The following RP1 variants were observed in gnomAD, a reference collection of about 807,000 sequenced individuals.
RP1 encodes the protein oxygen-regulated protein 1.
In RP1, 16 loss-of-function variants were observed where a neutral mutation model predicts 14.8. The observed-to-expected ratio is 1.08, with a 90% confidence interval of 0.73 to 1.65. The LOEUF (loss-of-function observed/expected upper bound fraction) is 1.65. Ranked by LOEUF, RP1 falls within the 40% of genes most tolerant of loss-of-function variation. The pLI is 0.00. For synonymous variants in RP1, 876 were observed against 883.6 expected, an observed-to-expected ratio of 0.99 and a Z score of 0.15; for missense variants, 2,631 against 2,535.0, an observed-to-expected ratio of 1.04 and a Z score of -0.81.
chr8:54,769,577 T>C (rs542311379), intron 22 of RP1, among the ~76,000 whole-genome samples: 94 of 152,358 alleles, frequency 6.2e-4, no homozygotes, highest in African/African-American at 2.2e-3. Flanking sequence ...GAATGTGTAA[T>C]AGGATGGATT....
chr8:54,633,077 T>C (rs560245280), downstream of RP1, among the ~76,000 whole-genome samples: 3 of 152,292 alleles, frequency 2.0e-5, no homozygotes, highest in East Asian at 5.8e-4. Context: ...GCTTTAAGCA[T>C]TGGGGCAGTC....
At chr8:54,683,612 G>T (rs1338539425) in intron 12 of RP1, among the ~76,000 whole-genome samples, 1 of 152,068 alleles carries the variant, frequency 6.6e-6, no homozygotes, top group Non-Finnish European at 1.5e-5. Context: ...CATGCTTGTT[G>T]TTGGTGTATA....
intron 22 of RP1, among the ~76,000 whole-genome samples, chr8:54,760,252 C>G (rs1809606976): frequency 6.6e-6 from 1 of 152,162 alleles, no homozygotes; most frequent in Admixed American, 6.5e-5. Context: ...TATCTTACTA[C>G]TACCTCTGCC....
At position 54,625,375 on chromosome 8, in the gene RP1, A is replaced by C; in HGVS notation, c.1493A>C (p.Tyr498Ser). The C allele has an allele frequency of 6.2e-7, 1 of 1,614,120 alleles. No homozygotes were observed. The highest frequency in any genetic ancestry group is 1.1e-5 in the South Asian group (1 of 91,078). ...ERESGENKSE[Y>S]HMFTHSCSKM... ...GAAAGTGGGGAAAACAAGTCTGAGT[A>C]TCACATGTTTACACATTCTTGCAGT... The change falls in exon 4 of 4, where the codon TAT becomes TCT. Residue 498 changes from tyrosine to serine, a missense_variant. By Grantham distance (144) the Tyr-to-Ser change is moderately radical. Transcript: ENST00000220676.
rs114896384 is a variant in RP1, at chr8:54,861,306, C to T, written c.4069+4200C>T. Among the ~76,000 whole-genome samples the T allele has an allele frequency of 9.4e-3, 1,432 of 152,304 alleles. 19 individuals are homozygous for T. Among genetic ancestry groups the T allele is most frequent in the African/African-American group, 0.032 (1,311 of 41,574 alleles). On this transcript the variant is annotated intron_variant, in intron 27 of 28. Transcript: ENST00000637698. Reference sequence around the variant, plus strand: ...TTTTTCATGATTTCAAAAACCTTTGCTTTAAAGAAAGGCTTTACTAATCAT... The same window carrying T: ...TTTTTCATGATTTCAAAAACCTTTGTTTTAAAGAAAGGCTTTACTAATCAT...
intron 8 of RP1, among the ~76,000 whole-genome samples, chr8:54,677,289 C>T (rs1807313663): frequency 6.6e-6 from 1 of 151,910 alleles, no homozygotes; most frequent in Non-Finnish European, 1.5e-5. Context: ...TTTTTGTAAT[C>T]CCTCCTGGTG....
At chr8:54,816,264 C>T (rs1449090808) in intron 24 of RP1, among the ~76,000 whole-genome samples, 1 of 152,136 alleles carries the variant, frequency 6.6e-6, no homozygotes, top group African/African-American at 2.4e-5. Flanking sequence ...AAATTAAGAA[C>T]CCATAAAAAT....
intron 17 of RP1, among the ~76,000 whole-genome samples, chr8:54,732,991 CA>C (rs1808828775): frequency 6.6e-6 from 1 of 152,084 alleles, no homozygotes; most frequent in South Asian, 2.1e-4. Context: ...CAGCACCTCA[CA>C]GGAGTAGTAT....
intron 22 of RP1, among the ~76,000 whole-genome samples, chr8:54,762,742 C>T (rs1809669598): frequency 6.6e-6 from 1 of 152,186 alleles, no homozygotes; most frequent in Non-Finnish European, 1.5e-5. Context: ...GCCAGTGATC[C>T]ACGATCCAGG....
intron 13 of RP1, among the ~76,000 whole-genome samples, chr8:54,700,901 T>G (rs563510552): frequency 6.6e-6 from 1 of 152,300 alleles, no homozygotes; most frequent in African/African-American, 2.4e-5. Flanking sequence ...CCTGCCATAC[T>G]TGGGCAATAG....
intron 12 of RP1, among the ~76,000 whole-genome samples, chr8:54,684,113 T>G (rs1807498297): frequency 6.6e-6 from 1 of 152,022 alleles, no homozygotes. Flanking sequence ...ATGAATTACA[T>G]TTATTGATTT....
At chr8:54,588,595 A>G (rs1305910902) in intron 1 of RP1, among the ~76,000 whole-genome samples, 1 of 152,202 alleles carries the variant, frequency 6.6e-6, no homozygotes, top group Admixed American at 6.5e-5. Context: ...CTGAAGTTCT[A>G]TAATCATCGT....
intron 26 of RP1, among the ~76,000 whole-genome samples, chr8:54,853,716 G>A (rs1162787199): frequency 2.0e-5 from 2 of 100,540 alleles, no homozygotes; most frequent in African/African-American, 4.9e-5. Context: ...AACTTAGCAA[G>A]ACCTCATCTC....
At chr8:54,747,925 G>A (rs531825878) in intron 19 of RP1, among the ~76,000 whole-genome samples, 1 of 152,338 alleles carries the variant, frequency 6.6e-6, no homozygotes, top group Non-Finnish European at 1.5e-5. Context: ...ATGGCCTAAT[G>A]CTCTCTCCAA....
intron 17 of RP1, among the ~76,000 whole-genome samples, chr8:54,733,498 G>A (rs1009365339): frequency 1.8e-4 from 28 of 151,994 alleles, no homozygotes; most frequent in Non-Finnish European, 7.4e-5. Context: ...TTTTTGCATG[G>A]TTTTTATTTT....
chr8:54,757,308 A>T (rs913189816), intron 21 of RP1, among the ~76,000 whole-genome samples: 3 of 152,214 alleles, frequency 2.0e-5, no homozygotes, highest in African/African-American at 7.2e-5. Context: ...ACCAAATTTA[A>T]TTCTGTCTTC....
At position 54,722,182 on chromosome 8, in the gene RP1, A is replaced by G. The variant is rs1261057753; in HGVS notation, c.2389+1876A>G. Among the ~76,000 whole-genome samples the G allele has an allele frequency of 2.6e-5, 4 of 151,306 alleles. No individual in the cohort carries two copies. The East Asian group carries it at 7.7e-4, about 29-fold the overall frequency. Reference sequence around the variant, plus strand: ...GTGAGGCGGAGGGTGCAGTGAGCTGAGAACGCTCCCCTGCACTCTAGCTCC... The same window carrying G: ...GTGAGGCGGAGGGTGCAGTGAGCTGGGAACGCTCCCCTGCACTCTAGCTCC... On this transcript the variant is annotated intron_variant, in intron 16 of 22. Coordinates refer to the RP1 transcript ENST00000636932.
At chr8:54,829,402 A>G (rs1811466664) in intron 24 of RP1, among the ~76,000 whole-genome samples, 1 of 152,196 alleles carries the variant, frequency 6.6e-6, no homozygotes, top group African/African-American at 2.4e-5. Flanking sequence ...GAAATTAAAG[A>G]ATTAGATGAA....
chr8:54,576,993 A>C (rs1448642374), intron 1 of RP1, among the ~76,000 whole-genome samples: 1 of 152,158 alleles, frequency 6.6e-6, no homozygotes, highest in Admixed American at 6.6e-5. Context: ...GTATTATTCT[A>C]AGAATGTATA....
Sources: allele counts gnomAD v4.1 joint callset (sites outside exome capture counted in the v4.1 genomes callset), GRCh38; gene constraint gnomAD v4.1.1; transcripts MANE v1.5; gene names NCBI Gene and HGNC (gene_info 2026-07-23, HGNC 2026-07-21).